Variants in CA8 observed in about 807,000 individuals in gnomAD.
CA8 encodes the protein carbonic anhydrase-related protein.
Under a neutral mutation model 41.4 loss-of-function variants are expected in CA8, and 22 were observed. The ratio of observed to expected loss-of-function variants is 0.53; its 90% confidence interval spans 0.38 to 0.76. The LOEUF is 0.76. Ranked by LOEUF, CA8 falls within the 30% of genes least tolerant of loss-of-function variation. The pLI is 0.00. For synonymous variants in CA8, 121 were observed against 130.6 expected (o/e 0.93, Z 0.50); for missense variants, 270 against 352.8 (o/e 0.77, Z 1.88).
At chr8:60,216,477 A>T (rs1807026318) in intron 7 of CA8, among the ~76,000 whole-genome samples, 1 of 152,214 alleles carries the variant, frequency 6.6e-6, no homozygotes. Context: ...TCTATTTTGA[A>T]GGGCAGTTGA....
chr8:60,218,691 C>T (rs1807116586), intron 7 of CA8, among the ~76,000 whole-genome samples: 1 of 152,170 alleles, frequency 6.6e-6, no homozygotes, highest in Admixed American at 6.5e-5. Context: ...GAAATTTGGG[C>T]ATCTAAGACT....
intron 2 of CA8, among the ~76,000 whole-genome samples, chr8:60,279,368 T>C (rs7841804): frequency 0.42 from 63,302 of 151,838 alleles, 13,399 homozygotes; most frequent in African/African-American, 0.49. Context: ...TCAACAATTT[T>C]GGACAAAACG....
At chr8:60,213,265 G>A (rs2130437061) in intron 7 of CA8, among the ~76,000 whole-genome samples, 1 of 152,304 alleles carries the variant, frequency 6.6e-6, no homozygotes, top group South Asian at 2.1e-4. Context: ...CAACGGTCCT[G>A]AAGCCATCCC....
At chr8:60,230,551 C>A (rs1403129360) in intron 4 of CA8, among the ~76,000 whole-genome samples, 1 of 151,676 alleles carries the variant, frequency 6.6e-6, no homozygotes, top group Non-Finnish European at 1.5e-5. Flanking sequence ...GAGGACCCGA[C>A]CCCCCCGATG....
intron 3 of CA8, among the ~76,000 whole-genome samples, chr8:60,236,630 A>AG (rs1563361619): frequency 6.6e-6 from 1 of 152,172 alleles, no homozygotes; most frequent in Non-Finnish European, 1.5e-5. Flanking sequence ...CCCTTTGGGG[A>AG]GGGGGGATGA....
chr8:60,251,712 C>T (rs1385118659), intron 3 of CA8, among the ~76,000 whole-genome samples: 3 of 152,186 alleles, frequency 2.0e-5, no homozygotes, highest in African/African-American at 7.2e-5. Flanking sequence ...AAGTCATCTG[C>T]CATTCTTTCA....
chr8:60,278,005 A>T (rs1474601726), intron 2 of CA8, among the ~76,000 whole-genome samples: 1 of 152,192 alleles, frequency 6.6e-6, no homozygotes, highest in Non-Finnish European at 1.5e-5. Context: ...GCAGGGGTGG[A>T]AGAAGGAGGA....
intron 2 of CA8, among the ~76,000 whole-genome samples, chr8:60,268,046 T>C (rs904176449): frequency 6.6e-6 from 1 of 151,764 alleles, no homozygotes; most frequent in Non-Finnish European, 1.5e-5. Context: ...GTACCCCACC[T>C]CCCAAACCAA....
intron 7 of CA8, among the ~76,000 whole-genome samples, chr8:60,210,884 C>T (rs1320140525): frequency 6.6e-6 from 1 of 152,164 alleles, no homozygotes; most frequent in African/African-American, 2.4e-5. Context: ...CTTGTTGCAT[C>T]TGAAAAACTT....
At chr8:60,240,499 T>A (rs1248737135) in intron 3 of CA8, among the ~76,000 whole-genome samples, 1 of 152,218 alleles carries the variant, frequency 6.6e-6, no homozygotes, top group Non-Finnish European at 1.5e-5. Context: ...AAAGTAAAAC[T>A]GGAGAGAAAT....
chr8:60,221,862 C>T, intron 7 of CA8, among the ~76,000 whole-genome samples: 1 of 151,972 alleles, frequency 6.6e-6, no homozygotes, highest in Non-Finnish European at 1.5e-5. Context: ...TTTTTAACTT[C>T]AAGAATTAAA....
Position 60,208,836 on chromosome 8 carries a change from A to G in CA8, c.822T>C (p.Phe274=), listed in dbSNP as rs1185251204. ...TGTCACTAAGAGGCTGAGTGGGCCG[A>G]AAGTTGTCTCCCAAAATCCCATCAC... ...EGCDGILGDN[F]RPTQPLSDRV... The change falls in exon 8 of 9, where the codon TTT becomes TTC. Residue 274 remains phenylalanine (F), a synonymous_variant. Coordinates refer to ENST00000317995, the MANE Select transcript of CA8 (RefSeq NM_004056.6). The G allele has an allele frequency of 6.2e-7, 1 of 1,614,074 alleles. No homozygotes were observed. Among genetic ancestry groups the G allele is most frequent in the African/African-American group, 1.3e-5 (1 of 74,938 alleles).
intron 3 of CA8, among the ~76,000 whole-genome samples, chr8:60,262,340 A>G (rs1803761396): frequency 6.6e-6 from 1 of 151,864 alleles, no homozygotes; most frequent in Non-Finnish European, 1.5e-5. Flanking sequence ...AATGGCAAAA[A>G]AAAAAAAAAA....
chr8:60,215,819 C>A (rs1807000730), intron 7 of CA8, among the ~76,000 whole-genome samples: 1 of 152,130 alleles, frequency 6.6e-6, no homozygotes, highest in Non-Finnish European at 1.5e-5. Context: ...CTACACCTCC[C>A]TGAATCACAG....
intron 8 of CA8, among the ~76,000 whole-genome samples, chr8:60,201,474 G>T (rs1422143855): frequency 6.6e-6 from 1 of 152,096 alleles, no homozygotes; most frequent in Non-Finnish European, 1.5e-5. Flanking sequence ...CAGGTAGAAA[G>T]AAAACTGGGT....
intron 8 of CA8, among the ~76,000 whole-genome samples, chr8:60,199,701 T>A (rs1806369328): frequency 6.6e-6 from 1 of 152,164 alleles, no homozygotes; most frequent in Non-Finnish European, 1.5e-5. Context: ...TTATCTAGAT[T>A]ATTTTAGATA....
chr8:60,227,748 T>C (rs925891435), intron 4 of CA8, among the ~76,000 whole-genome samples: 4 of 152,224 alleles, frequency 2.6e-5, no homozygotes, highest in African/African-American at 9.6e-5. Flanking sequence ...CATAATTTTA[T>C]AACTACCCTT....
chr8:60,277,782 A>G (rs1262830948), intron 2 of CA8, among the ~76,000 whole-genome samples: 1 of 152,236 alleles, frequency 6.6e-6, no homozygotes, highest in Non-Finnish European at 1.5e-5. Flanking sequence ...GGGAAAAAAC[A>G]ACTACTCAAG....
intron 8 of CA8, among the ~76,000 whole-genome samples, chr8:60,201,385 T>C (rs1316727315): frequency 6.6e-6 from 1 of 152,180 alleles, no homozygotes; most frequent in Non-Finnish European, 1.5e-5. Context: ...CCATGAGGAC[T>C]CCAACATTAA....
Sources: allele counts gnomAD v4.1 joint callset (sites outside exome capture counted in the v4.1 genomes callset), GRCh38; gene constraint gnomAD v4.1.1; transcripts MANE v1.5; gene names NCBI Gene and HGNC (gene_info 2026-07-23, HGNC 2026-07-21).